GREB1L: variants seen among roughly 807,000 people sequenced by gnomAD.
GREB1L encodes the protein GREB1-like protein.
GREB1L carries 17 observed loss-of-function variants against 200.8 expected under a neutral mutation model. That is an observed-to-expected ratio of 0.08 (90% CI 0.06 to 0.13). The LOEUF (loss-of-function observed/expected upper bound fraction) is 0.13. Ranked by LOEUF, GREB1L falls within the 10% of genes least tolerant of loss-of-function variation. GREB1L has a pLI of 1.00. For synonymous variants in GREB1L, 789 were observed against 893.0 expected, an observed-to-expected ratio of 0.88 and a Z score of 2.08; for missense variants, 1,657 against 2,367.7, an observed-to-expected ratio of 0.70 and a Z score of 6.23.
At chr18:21,249,727 G>T (rs190269155) in intron 1 of GREB1L, among the ~76,000 whole-genome samples, 21 of 152,208 alleles carry the variant, frequency 1.4e-4, no homozygotes, top group African/African-American at 4.1e-4. Context: ...AGGCATCGTG[G>T]TGTATGCCTG....
intron 12 of GREB1L, among the ~76,000 whole-genome samples, chr18:21,450,195 G>A (rs1263803744): frequency 6.6e-6 from 1 of 152,050 alleles, no homozygotes; most frequent in Non-Finnish European, 1.5e-5. Flanking sequence ...AATCGAATTT[G>A]CCAGAAAATT....
chr18:21,395,651 T>A, intron 5 of GREB1L, 90 bp downstream of exon 5: 1 of 901,918 alleles, frequency 1.1e-6, no homozygotes, highest in African/African-American at 1.7e-5. Context: ...TTAAAAAATA[T>A]ACCAGAGGAT....
At chr18:21,393,316 A>G (rs780932337) in intron 4 of GREB1L, among the ~76,000 whole-genome samples, 9 of 151,924 alleles carry the variant, frequency 5.9e-5, no homozygotes, top group Non-Finnish European at 1.5e-5. Context: ...CCTGTTCTTG[A>G]GAGCAAGTCT....
At chr18:21,440,729 G>A (rs1313942034) in intron 9 of GREB1L, among the ~76,000 whole-genome samples, 2 of 152,076 alleles carry the variant, frequency 1.3e-5, no homozygotes, top group African/African-American at 2.4e-5. Flanking sequence ...TGTGACCCAC[G>A]CTTATTATTT....
rs558383416 is a variant in GREB1L at position 21,269,846 on chromosome 18, C to G, written c.-120+27453C>G. Among the ~76,000 whole-genome samples the G allele has an allele frequency of 2.6e-5, 4 of 151,954 alleles. No homozygotes were observed. The East Asian group carries it at 7.7e-4, about 29-fold the overall frequency. On this transcript the variant is annotated intron_variant, in intron 1 of 32. Transcript: ENST00000424526. ...ATTAGTCAGCATACTTGATTTATAC[C>G]GGGCATCTCTAGAGATCAGAAATAG...
chr18:21,497,451 T>G (rs985222679), intron 21 of GREB1L, among the ~76,000 whole-genome samples: 1 of 152,100 alleles, frequency 6.6e-6, no homozygotes, highest in African/African-American at 2.4e-5. Flanking sequence ...GAGACCAGCC[T>G]GGCCAACATG....
rs373319672 is a variant in GREB1L, at chr18:21,337,191, G to A, written c.-119-28836G>A. ...AAGAAAAAGTAGAATATAAAACTTG[G>A]AGGAATCCCTTTTTCTTCAGATCCT... On this transcript the variant is annotated intron_variant, in intron 1 of 32. Transcript: ENST00000424526. Among the ~76,000 whole-genome samples the A allele has an allele frequency of 4.6e-5, 7 of 152,272 alleles. No homozygotes were observed. The East Asian group carries it at 1.3e-3, about 29-fold the overall frequency.
rs1471134994 is a variant in GREB1L, at chr18:21,296,042, GA to G, written c.-120+53651del. ...GAGATATCTCAAAGAACTTAAAATA[GA>G]ACTACAATTTGACCTAGGAATCCCA... is the stretch of plus-strand genomic sequence containing the variant. On this transcript the variant is annotated intron_variant, in intron 1 of 32. Transcript: ENST00000424526. Among the ~76,000 whole-genome samples the G allele has an allele frequency of 3.3e-5, 5 of 152,280 alleles. No individual in the cohort carries two copies. The East Asian group carries it at 7.7e-4, about 23-fold the overall frequency.
chr18:21,373,858 G>C (rs1327323640), intron 2 of GREB1L, among the ~76,000 whole-genome samples: 1 of 152,112 alleles, frequency 6.6e-6, no homozygotes, highest in African/African-American at 2.4e-5. Context: ...TTTTTCTCCT[G>C]TAGTAGCAAA....
intron 27 of GREB1L, 45 bp from the exon 28 acceptor site, chr18:21,513,776 G>C (rs569365703): frequency 1.3e-6 from 2 of 1,529,394 alleles, no homozygotes; most frequent in African/African-American, 1.4e-5. Context: ...CCAAGCCTGA[G>C]TGAAGGATGT....
intron 10 of GREB1L, among the ~76,000 whole-genome samples, 152 bp downstream of exon 10, chr18:21,441,689 CAT>C (rs368994045): frequency 9.5e-4 from 144 of 152,264 alleles, no homozygotes; most frequent in African/African-American, 3.4e-3. Flanking sequence ...CTATATTAAA[CAT>C]GTGATTAGGA....
At chr18:21,331,450 A>G (rs1166507580) in intron 1 of GREB1L, among the ~76,000 whole-genome samples, 1 of 152,226 alleles carries the variant, frequency 6.6e-6, no homozygotes, top group Non-Finnish European at 1.5e-5. Context: ...CTCATTGGGT[A>G]AAAAGAGACA....
At chr18:21,367,753 T>C (rs1174372755) in intron 2 of GREB1L, among the ~76,000 whole-genome samples, 5 of 152,142 alleles carry the variant, frequency 3.3e-5, no homozygotes, top group Admixed American at 6.5e-5. Flanking sequence ...TCTTCCTGAA[T>C]GTGGTCAAGA....
intron 27 of GREB1L, among the ~76,000 whole-genome samples, chr18:21,512,341 G>A (rs1021947287): frequency 2.6e-5 from 4 of 152,162 alleles, no homozygotes; most frequent in Non-Finnish European, 5.9e-5. Flanking sequence ...ATTTATTGGT[G>A]TCTTCCTTAA....
chr18:21,522,467 C>T (rs558714593), intron 32 of GREB1L, among the ~76,000 whole-genome samples, 191 bp from the exon 33 acceptor site: 65 of 151,900 alleles, frequency 4.3e-4, no homozygotes, highest in Admixed American at 2.9e-3. Context: ...AGCAAGACTC[C>T]GTCTCAAAAA....
At chr18:21,331,720 T>C (rs2039109174) in intron 1 of GREB1L, among the ~76,000 whole-genome samples, 1 of 152,220 alleles carries the variant, frequency 6.6e-6, no homozygotes, top group African/African-American at 2.4e-5. Flanking sequence ...ATGTAGGTGA[T>C]AACTTATTAC....
At chr18:21,497,644 C>T (rs1175770677) in intron 21 of GREB1L, among the ~76,000 whole-genome samples, 1 of 122,426 alleles carries the variant, frequency 8.2e-6, no homozygotes, top group Non-Finnish European at 1.7e-5. Flanking sequence ...AACTCTGTCT[C>T]AAAAAAAAAG....
At chr18:21,324,338 A>AAG (rs1370675373) in intron 1 of GREB1L, among the ~76,000 whole-genome samples, 1 of 152,202 alleles carries the variant, frequency 6.6e-6, no homozygotes, top group Non-Finnish European at 1.5e-5. Context: ...GTTTGGGTGC[A>AAG]GATGTACTCC....
chr18:21,268,323 G>A (rs2038005248), intron 1 of GREB1L, among the ~76,000 whole-genome samples: 2 of 151,268 alleles, frequency 1.3e-5, no homozygotes, highest in South Asian at 2.1e-4. Context: ...AAGTACTTAT[G>A]GAATCAAGCT....
Sources: gnomAD v4.1 joint callset for allele counts (sites outside exome capture counted in the v4.1 genomes callset) on GRCh38, gnomAD v4.1.1 for gene constraint, MANE v1.5 for transcripts, NCBI Gene and HGNC (gene_info 2026-07-23, HGNC 2026-07-21) for gene names.